Variants in NUP210 observed in about 807,000 individuals in gnomAD.
NUP210 encodes the protein nuclear pore membrane glycoprotein 210.
Under a neutral mutation model 196.0 loss-of-function variants are expected in NUP210, and 151 were observed. The ratio of observed to expected loss-of-function variants is 0.77; its 90% CI spans 0.67 to 0.88. NUP210 has a LOEUF of 0.88. Ranked by LOEUF, NUP210 falls within the 40% of genes least tolerant of loss-of-function variation. The probability of loss-of-function intolerance (pLI) is 0.00; values close to 1 mark genes in which losing one functional copy is unlikely to be tolerated. For synonymous variants in NUP210, 1,070 were observed against 1,052.7 expected (o/e 1.02, Z -0.32); for missense variants, 2,314 against 2,493.7 (o/e 0.93, Z 1.53).
In NUP210 at chr3:13,343,233, G is replaced by C. The variant is rs754950285; in HGVS notation, c.2906C>G (p.Ala969Gly). Residue 969 changes from alanine to glycine, a missense_variant, in exon 21 of 40, where the codon GCC (alanine) becomes GGC (glycine). Ala to Gly is a moderately conservative substitution (Grantham distance 60). Coordinates refer to ENST00000254508, the MANE Select transcript of NUP210 (RefSeq NM_024923.4). ...HDLCLVFPAP[A>G]KAVVYVSDIQ... is the part of the protein sequence containing the mutation. ...GTCCGACACGTAAACGACAGCCTTG[G>C]CTGGGGCCGGGAAGACGAGGCACAA... is the stretch of plus-strand genomic sequence containing the variant. 7 of 1,614,004 alleles carry C rather than the reference G, an allele frequency of 4.3e-6. No individual in the cohort carries two copies. The Admixed American group carries it at 1.0e-4, about 23-fold the overall frequency.
At chr3:13,369,890 C>T (rs541582200) in intron 13 of NUP210, among the ~76,000 whole-genome samples, 3 of 152,336 alleles carry the variant, frequency 2.0e-5, no homozygotes, top group Non-Finnish European at 4.4e-5. Flanking sequence ...CTGCAGTAAG[C>T]AGAGGGAGCC....
chr3:13,357,579 A>C (rs1698223076), intron 16 of NUP210, among the ~76,000 whole-genome samples: 1 of 152,082 alleles, frequency 6.6e-6, no homozygotes, highest in African/African-American at 2.4e-5. Flanking sequence ...CTGGGGGCTG[A>C]TGCTGGCCAG....
intron 6 of NUP210, among the ~76,000 whole-genome samples, chr3:13,384,554 G>A (rs377139548): frequency 7.2e-5 from 11 of 152,184 alleles, no homozygotes; most frequent in Admixed American, 5.2e-4. Context: ...GGTCAACATA[G>A]CAAGACCAAG....
At chr3:13,338,130 G>A (rs935369608) in intron 25 of NUP210, among the ~76,000 whole-genome samples, 4 of 152,170 alleles carry the variant, frequency 2.6e-5, no homozygotes, top group Non-Finnish European at 5.9e-5. Context: ...CCAAGGCCCC[G>A]CAGGTCCCAA....
chr3:13,378,082 A>G (rs1005963485), intron 8 of NUP210, among the ~76,000 whole-genome samples: 4 of 148,882 alleles, frequency 2.7e-5, no homozygotes, highest in African/African-American at 1.0e-4. Context: ...CTGTCTGATC[A>G]AGGCTCTTTC....
At position 13,375,492 on chromosome 3, in the gene NUP210, G is replaced by T; in HGVS notation, c.1431+12C>A. 6.2e-7 allele frequency: 1 copy of T among 1,611,680 alleles called. No individual in the cohort carries two copies. Among genetic ancestry groups the T allele is most frequent in the Non-Finnish European group, 8.5e-7 (1 of 1,178,232 alleles). On this transcript the variant is annotated intron_variant, in intron 11 of 39. Coordinates refer to ENST00000254508, the MANE Select transcript of NUP210 (RefSeq NM_024923.4). ...CAAAGGAATGCACGCAGAGGTGAGG[G>T]GTCTCACGTACCCTTATTGTGTACT...
At chr3:13,382,297 G>A (rs890062224) in intron 6 of NUP210, among the ~76,000 whole-genome samples, 1 of 152,166 alleles carries the variant, frequency 6.6e-6, no homozygotes, top group African/African-American at 2.4e-5. Context: ...GGAGACCACG[G>A]CTCCCACTGG....
intron 39 of NUP210, 51 bp from the exon 40 acceptor site, chr3:13,317,832 C>T: frequency 7.6e-7 from 1 of 1,314,396 alleles, no homozygotes; most frequent in South Asian, 1.3e-5. Flanking sequence ...GAAAGCGGCG[C>T]ACTCTTCAGT....
chr3:13,317,807 A>G (rs760903135), intron 39 of NUP210, 26 bp from the exon 40 acceptor site: 49 of 1,516,800 alleles, frequency 3.2e-5, no homozygotes, highest in Non-Finnish European at 3.8e-5. Flanking sequence ...AGACGATGTT[A>G]GCAGCAGAGC....
chr3:13,376,882 C>T (rs549279993), intron 9 of NUP210, among the ~76,000 whole-genome samples: 78 of 152,194 alleles, frequency 5.1e-4, no homozygotes, highest in African/African-American at 1.8e-3. Context: ...AAACCTCCAA[C>T]GCCACCTGAA....
In NUP210 at chr3:13,397,958, A is replaced by AT. The variant is rs566202990; in HGVS notation, c.305-471dup. On this transcript the variant is annotated intron_variant, in intron 2 of 39. Transcript: ENST00000254508. The stretch of plus-strand genomic sequence containing the variant: ...AAGGGGCTGGTGGGCACACCCAGAG[A>AT]TTTTTTTACTTGCTCCATAAATAAG... Among the ~76,000 whole-genome samples, 10 of 152,248 alleles carry AT rather than the reference A, an allele frequency of 6.6e-5. No individual in the cohort carries two copies. In the East Asian group the frequency reaches 1.7e-3, roughly 26 times the overall value.
intron 30 of NUP210, among the ~76,000 whole-genome samples, chr3:13,329,623 C>T (rs978655900): frequency 2.0e-5 from 3 of 152,202 alleles, no homozygotes; most frequent in Non-Finnish European, 4.4e-5. Flanking sequence ...TGCTGCCAGG[C>T]ACCCATTTTG....
At chr3:13,373,366 G>C (rs1461535853) in intron 12 of NUP210, among the ~76,000 whole-genome samples, 4 of 152,246 alleles carry the variant, frequency 2.6e-5, no homozygotes, top group African/African-American at 9.6e-5. Context: ...GGAGCCTGGT[G>C]GTGCCCTTTC....
rs967374615 is a variant in NUP210, at chr3:13,389,173, G to A, written c.534-720C>T. Among the ~76,000 whole-genome samples, 4 of 152,210 alleles carry A rather than the reference G, an allele frequency of 2.6e-5. No individual in the cohort carries two copies. In the East Asian group the frequency reaches 7.7e-4, roughly 29 times the overall value. ...TTATTTCCTCGCCTGGTTACTCTAGGTGTCACACGCCAAATTACAAATCCA... is the reference window on the plus strand; with the variant it reads ...TTATTTCCTCGCCTGGTTACTCTAGATGTCACACGCCAAATTACAAATCCA... On this transcript the variant is annotated intron_variant, in intron 4 of 39. Transcript: ENST00000254508.
intron 31 of NUP210, among the ~76,000 whole-genome samples, chr3:13,328,028 G>T (rs1696846276): frequency 1.3e-5 from 2 of 152,256 alleles, no homozygotes. Context: ...GATCATGGCT[G>T]CATCCTTGCC....
At chr3:13,413,783 C>G (rs1700254913) in intron 1 of NUP210, among the ~76,000 whole-genome samples, 1 of 152,256 alleles carries the variant, frequency 6.6e-6, no homozygotes, top group Middle Eastern at 3.4e-3. Flanking sequence ...GGCTGCACAA[C>G]AATTGTGAAC....
chr3:13,390,330 G>A (rs1477947049), intron 4 of NUP210, among the ~76,000 whole-genome samples: 1 of 152,136 alleles, frequency 6.6e-6, no homozygotes. Flanking sequence ...AGACTCAAAA[G>A]ATTCAAAAAC....
At chr3:13,374,735 C>T (rs928375434) in intron 11 of NUP210, among the ~76,000 whole-genome samples, 2 of 152,204 alleles carry the variant, frequency 1.3e-5, no homozygotes, top group African/African-American at 4.8e-5. Flanking sequence ...TCCTCATTGT[C>T]TGCTGGGAGG....
chr3:13,373,898 A>G lies in NUP210; in HGVS notation c.1432-25T>C, dbSNP rs1698812311. ...CCTGCGGAGGAAAAGCCATCACAGG[A>G]CCAGCCACCCACCCTTAGCCTGCTG... On this transcript the variant is annotated intron_variant, in intron 11 of 39. Transcript: ENST00000254508. 2.5e-6 allele frequency: 4 copies of G among 1,610,144 alleles called. No homozygotes were observed. In the East Asian group the frequency reaches 9.0e-5, roughly 36 times the overall value.
Sources: allele counts gnomAD v4.1 joint callset (sites outside exome capture counted in the v4.1 genomes callset), GRCh38; gene constraint gnomAD v4.1.1; transcripts MANE v1.5; gene names NCBI Gene and HGNC (gene_info 2026-07-23, HGNC 2026-07-21).